Variants in ZDHHC13 observed in about 807,000 individuals in gnomAD.
The protein encoded by ZDHHC13 is zDHHC palmitoyltransferase 13.
ZDHHC13 carries 85 observed loss-of-function variants against 86.0 expected under a neutral mutation model. The ratio of observed to expected loss-of-function variants is 0.99; its 90% CI spans 0.83 to 1.18. The LOEUF (loss-of-function observed/expected upper bound fraction) is 1.18, where lower values mean the gene tolerates loss of function less well. Ranked by LOEUF, ZDHHC13 falls within the 50% of genes most tolerant of loss-of-function variation. ZDHHC13 has a pLI of 0.00. For synonymous variants in ZDHHC13, 263 were observed against 246.4 expected (o/e 1.07, Z -0.63); for missense variants, 711 against 730.2 (o/e 0.97, Z 0.30).
At chr11:19,146,160 C>CTT (rs374126503) in intron 2 of ZDHHC13, 21 bp from the exon 3 acceptor site, 119 of 1,429,148 alleles carry the variant, frequency 8.3e-5, no homozygotes, top group Admixed American at 1.4e-4. Flanking sequence ...ATCAATTATG[C>CTT]TTTTTTTTTT....
chr11:19,158,988 G>A lies in ZDHHC13; in HGVS notation c.1056G>A (p.Leu352=). The change falls in exon 10 of 17, where the codon CTG becomes CTA. Residue 352 remains leucine (L), a synonymous_variant. Coordinates refer to ENST00000446113, the MANE Select transcript of ZDHHC13 (RefSeq NM_019028.3). ...KNLVYLPTAF[L]LSSVFWIFMT... Reference sequence around the variant, plus strand: ...TTGTATACTTACCAACAGCCTTTCTGCTAAGTTCTGTTTTTTGGATATTTA... The same window carrying A: ...TTGTATACTTACCAACAGCCTTTCTACTAAGTTCTGTTTTTTGGATATTTA... The A allele has an allele frequency of 6.5e-7, 1 of 1,549,302 alleles. No homozygotes were observed. Among genetic ancestry groups the A allele is most frequent in the Non-Finnish European group, 8.7e-7 (1 of 1,146,092 alleles).
intron 1 of ZDHHC13, among the ~76,000 whole-genome samples, chr11:19,142,015 A>T (rs1208002773): frequency 6.6e-6 from 1 of 152,126 alleles, no homozygotes; most frequent in South Asian, 2.1e-4. Context: ...GCTTTAACCA[A>T]CTGAGCTAGC....
At chr11:19,150,045 G>C (rs1047636088) in intron 5 of ZDHHC13, among the ~76,000 whole-genome samples, 10 of 152,134 alleles carry the variant, frequency 6.6e-5, no homozygotes, top group African/African-American at 2.4e-4. Flanking sequence ...GAAGAGTCCT[G>C]TCTGCTTCTC....
At chr11:19,170,293 T>A (rs1294440243) in intron 14 of ZDHHC13, 118 bp from the exon 15 acceptor site, 5 of 1,431,578 alleles carry the variant, frequency 3.5e-6, no homozygotes, top group Non-Finnish European at 4.5e-6. Flanking sequence ...AATTGAATCA[T>A]GATCTGTGCC....
rs149718683 is a variant in ZDHHC13, at chr11:19,141,258, G to T, written c.28-1720G>T. Among the ~76,000 whole-genome samples the T allele has an allele frequency of 2.1e-3, 315 of 152,162 alleles. 2 individuals carry two copies. The highest frequency in any genetic ancestry group is 7.3e-3 in the African/African-American group (303 of 41,520). On this transcript the variant is annotated intron_variant, in intron 1 of 16. Transcript: ENST00000446113. ...GTTATTATGTAAATGAGTAGTCAAA[G>T]ATATCACTGTGATTAGGGTCACACT...
chr11:19,144,118 A>G (rs1159089745), intron 2 of ZDHHC13, among the ~76,000 whole-genome samples: 1 of 152,340 alleles, frequency 6.6e-6, no homozygotes, highest in Middle Eastern at 3.4e-3. Context: ...ACCAATTTAT[A>G]TTAACTCTAG....
intron 1 of ZDHHC13, among the ~76,000 whole-genome samples, chr11:19,118,129 A>G (rs1490018072): frequency 6.6e-6 from 1 of 152,222 alleles, no homozygotes; most frequent in African/African-American, 2.4e-5. Context: ...GCATTATTTT[A>G]TTCCAGAATT....
intron 1 of ZDHHC13, among the ~76,000 whole-genome samples, chr11:19,127,768 A>C (rs1232285621): frequency 1.3e-5 from 2 of 152,058 alleles, no homozygotes; most frequent in Admixed American, 6.6e-5. Flanking sequence ...ATAGGCGTGC[A>C]GCCTTGTTTC....
In ZDHHC13 at chr11:19,176,058, C is replaced by A; in HGVS notation, c.*98C>A. 1.5e-6 allele frequency: 2 copies of A among 1,339,378 alleles called. No individual in the cohort carries two copies. The highest frequency in any genetic ancestry group is 2.0e-6 in the Non-Finnish European group (2 of 1,013,388). The allele number at this position is 1,339,378 out of a possible 1,614,324, so 83.0% of individuals were successfully genotyped here. ...TAAAGATTTAGAATTCACCTAAGTC[C>A]AAAGGAAAACACGTGGTTTTTAAAG... is the stretch of plus-strand genomic sequence containing the variant. On this transcript the variant is annotated 3_prime_UTR_variant, in exon 17 of 17. Transcript: ENST00000446113.
intron 1 of ZDHHC13, among the ~76,000 whole-genome samples, chr11:19,134,078 G>A (rs867175419): frequency 1.3e-5 from 2 of 151,628 alleles, no homozygotes; most frequent in African/African-American, 2.4e-5. Context: ...AACATTTCAA[G>A]GCAATGCTAT....
chr11:19,136,712 GC>G (rs1265386991), intron 1 of ZDHHC13, among the ~76,000 whole-genome samples: 1 of 152,138 alleles, frequency 6.6e-6, no homozygotes, highest in Non-Finnish European at 1.5e-5. Context: ...CAGACTAACA[GC>G]AGATCTCTCG....
intron 3 of ZDHHC13, 38 bp downstream of exon 3, chr11:19,146,341 T>C: frequency 6.3e-7 from 1 of 1,588,602 alleles, no homozygotes; most frequent in African/African-American, 1.4e-5. Flanking sequence ...GTATTTATAA[T>C]TTTAGACCTC....
intron 16 of ZDHHC13, among the ~76,000 whole-genome samples, chr11:19,173,705 C>T (rs901031591): frequency 7.2e-5 from 11 of 152,166 alleles, no homozygotes; most frequent in Non-Finnish European, 1.3e-4. Flanking sequence ...GATTGTTTCA[C>T]ATTGACAGTG....
chr11:19,155,953 G>A (rs1461523804), intron 9 of ZDHHC13, 24 bp downstream of exon 9: 1 of 1,580,530 alleles, frequency 6.3e-7, no homozygotes, highest in Non-Finnish European at 8.5e-7. Flanking sequence ...TTTTTGCAAG[G>A]CTGGTTATTG....
At chr11:19,148,258 G>A (rs149316533) in intron 4 of ZDHHC13, among the ~76,000 whole-genome samples, 3 of 151,908 alleles carry the variant, frequency 2.0e-5, no homozygotes, top group East Asian at 1.9e-4. Context: ...CTCCACTCTC[G>A]GTGGTTGGTG....
Position 19,175,883 on chromosome 11 carries a change from C to G in ZDHHC13, c.1792C>G (p.Pro598Ala). 6.2e-7 allele frequency: 1 copy of G among 1,613,654 alleles called. No homozygotes were observed. Among genetic ancestry groups the G allele is most frequent in the Admixed American group, 1.7e-5 (1 of 59,996 alleles). ...GTGTGGCTGCTTTGGCTTGGTGAAG[C>G]CCTGTGTGGTAGATTGGACATCACA... ...FQCGCFGLVK[P>A]CVVDWTSQYT... Residue 598 changes from proline (P) to alanine (A), a missense_variant, in exon 17 of 17, where the codon CCC becomes GCC. By Grantham distance (27) the Pro-to-Ala change is conservative. Coordinates refer to ENST00000446113, the MANE Select transcript of ZDHHC13 (RefSeq NM_019028.3).
intron 9 of ZDHHC13, 71 bp from the exon 10 acceptor site, chr11:19,158,869 A>G (rs924543891): frequency 5.1e-5 from 52 of 1,017,010 alleles, no homozygotes; most frequent in Admixed American, 1.1e-4. Context: ...TACCATTATT[A>G]TTTAGGGAAA....
rs116632037 is a variant in ZDHHC13, at chr11:19,154,484, G to T, written c.874-1312G>T. Among the ~76,000 whole-genome samples the T allele has an allele frequency of 6.8e-3, 1,041 of 152,202 alleles. 9 individuals carry two copies. The highest frequency in any genetic ancestry group is 0.024 in the African/African-American group (982 of 41,530). On this transcript the variant is annotated intron_variant, in intron 8 of 16. Transcript: ENST00000446113. ...GAAATTATCCACTCCTAGATATGGC[G>T]TAGAGAGGTGAAAATGGAGGAAGAA...
intron 13 of ZDHHC13, 133 bp downstream of exon 13, chr11:19,165,278 C>A: frequency 1.3e-6 from 1 of 775,326 alleles, no homozygotes; most frequent in African/African-American, 1.7e-5. Context: ...TGGGCCCATG[C>A]ATCGTTATTA....
Sources: gnomAD v4.1 joint callset for allele counts (sites outside exome capture counted in the v4.1 genomes callset) on GRCh38, gnomAD v4.1.1 for gene constraint, MANE v1.5 for transcripts, NCBI Gene and HGNC (gene_info 2026-07-23, HGNC 2026-07-21) for gene names.